ADD3: variants seen among roughly 807,000 people sequenced by gnomAD.
The protein encoded by ADD3 is adducin 3.
In ADD3, 25 loss-of-function variants were observed where a neutral mutation model predicts 80.2. That is an observed-to-expected ratio of 0.31 (90% CI 0.23 to 0.44). The LOEUF (loss-of-function observed/expected upper bound fraction) is 0.44, where lower values mean the gene tolerates loss of function less well. ADD3 is among the 20% of genes least tolerant of loss of function. The pLI is 1.00. For synonymous variants in ADD3, 284 were observed against 289.6 expected, an observed-to-expected ratio of 0.98 and a Z score of 0.20; for missense variants, 829 against 847.5, an observed-to-expected ratio of 0.98 and a Z score of 0.27.
chr10:110,126,295 TG>T, intron 11 of ADD3, 121 bp from the exon 12 acceptor site: 1 of 699,940 alleles, frequency 1.4e-6, no homozygotes, highest in Non-Finnish European at 2.4e-6. Flanking sequence ...TTTATGGAGG[TG>T]GGAATTGAAG....
At chr10:110,106,813 A>G (rs1054415740) in intron 2 of ADD3, among the ~76,000 whole-genome samples, 1 of 152,130 alleles carries the variant, frequency 6.6e-6, no homozygotes, top group Non-Finnish European at 1.5e-5. Context: ...ATTTTGTTTG[A>G]GTTGAAGAAT....
chr10:110,035,431 A>C (rs541572971), intron 1 of ADD3, among the ~76,000 whole-genome samples: 1 of 152,338 alleles, frequency 6.6e-6, no homozygotes, highest in South Asian at 2.1e-4. Flanking sequence ...GAGGAAGCCT[A>C]ATGATTAGAG....
At position 110,130,557 on chromosome 10, in the gene ADD3, T is replaced by C. The variant is rs1363597408; in HGVS notation, c.1732+71T>C. On this transcript the variant is annotated intron_variant, in intron 13 of 14. Transcript: ENST00000356080. Reference sequence around the variant, plus strand: ...CAATAAAGTACCTCACGTTGGATGATAGAAAGCAGTCAGTGTGGCCGGGCA... The same window carrying C: ...CAATAAAGTACCTCACGTTGGATGACAGAAAGCAGTCAGTGTGGCCGGGCA... 8.5e-6 allele frequency: 13 copies of C among 1,535,012 alleles called. No homozygotes were observed. The Admixed American group carries it at 9.1e-5, about 11-fold the overall frequency.
At chr10:110,125,679 A>G in intron 10 of ADD3, 147 bp from the exon 11 acceptor site, 2 of 462,706 alleles carry the variant, frequency 4.3e-6, no homozygotes, top group Non-Finnish European at 7.4e-6. Flanking sequence ...CTAGTATGAG[A>G]TGAAACTAAT....
intron 1 of ADD3, among the ~76,000 whole-genome samples, chr10:110,036,673 TC>T (rs1855704651): frequency 6.6e-6 from 1 of 152,122 alleles, no homozygotes; most frequent in South Asian, 2.1e-4. Context: ...CGCCCAGCCT[TC>T]TTTTTTTTTT....
At chr10:110,104,107 T>C (rs1849149608) in intron 2 of ADD3, among the ~76,000 whole-genome samples, 1 of 152,146 alleles carries the variant, frequency 6.6e-6, no homozygotes, top group Non-Finnish European at 1.5e-5. Flanking sequence ...GAAATAAAGA[T>C]TCATGTTATC....
Position 110,133,342 on chromosome 10 carries a change from T to G in ADD3, c.1845T>G (p.Phe615Leu), listed in dbSNP as rs1466004344. The G allele has an allele frequency of 6.3e-7, 1 of 1,584,646 alleles. No individual in the cohort carries two copies. Among genetic ancestry groups the G allele is most frequent in the Admixed American group, 1.7e-5 (1 of 58,430 alleles). ...CTTTCGTAGAAAACCATGAGCTGTTTTCCAAGAGCTTCATCTCCATGGAAG... is the reference window on the plus strand; with the variant it reads ...CTTTCGTAGAAAACCATGAGCTGTTGTCCAAGAGCTTCATCTCCATGGAAG... ...PEKLEENHEL[F>L]SKSFISMEVP... is the part of the protein sequence containing the mutation. The change falls in exon 15 of 15, where the codon TTT becomes TTG. Residue 615 changes from phenylalanine (F) to leucine (L), a missense_variant. Coordinates refer to ENST00000356080, the MANE Select transcript of ADD3 (RefSeq NM_016824.5).
rs539438884 is a variant in ADD3 at position 110,072,218 on chromosome 10, C to T, written c.-29-28407C>T. ...CTAGGACTACAGGTGCCTGCCACCA[C>T]GCCCAGCTAATTTTTTTGTATTTTT... On this transcript the variant is annotated intron_variant, in intron 1 of 14. Coordinates refer to ENST00000356080, the MANE Select transcript of ADD3 (RefSeq NM_016824.5). 1.5e-3 allele frequency among the ~76,000 whole-genome samples: 229 copies of T among 152,258 alleles called. 2 individuals are homozygous for T. The South Asian group carries it at 0.018, about 12-fold the overall frequency.
chr10:110,121,131 A>G (rs1851442321), intron 8 of ADD3, among the ~76,000 whole-genome samples: 2 of 152,110 alleles, frequency 1.3e-5, no homozygotes, highest in South Asian at 4.1e-4. Flanking sequence ...AATGGCAACA[A>G]AAGACAAAAT....
chr10:110,121,852 TA>T (rs1237031783), intron 8 of ADD3: 4 of 299,290 alleles, frequency 1.3e-5, no homozygotes, highest in African/African-American at 8.6e-5. Context: ...TTCCGTGGCT[TA>T]AAATATGTTA....
intron 1 of ADD3, among the ~76,000 whole-genome samples, chr10:110,048,808 G>T (rs569545494): frequency 6.6e-6 from 1 of 152,226 alleles, no homozygotes. Flanking sequence ...CTGATGATGT[G>T]ATAGAAAAGG....
At chr10:109,999,042 C>T (rs1053966808) in intron 1 of ADD3, among the ~76,000 whole-genome samples, 12 of 152,130 alleles carry the variant, frequency 7.9e-5, no homozygotes, top group Admixed American at 7.2e-4. Context: ...TGGCACATAG[C>T]AGGAGTTCAA....
At chr10:110,005,031 T>C (rs1014912295), upstream of ADD3, among the ~76,000 whole-genome samples, 1 of 152,204 alleles carries the variant, frequency 6.6e-6, no homozygotes, top group Non-Finnish European at 1.5e-5. Flanking sequence ...ATTTTAGATA[T>C]ATTTTGTTTT....
At chr10:110,013,750 C>G (rs1312976750) in intron 1 of ADD3, among the ~76,000 whole-genome samples, 1 of 152,144 alleles carries the variant, frequency 6.6e-6, no homozygotes, top group Non-Finnish European at 1.5e-5. Context: ...AGGAAGTGCT[C>G]ACCTTTTCAG....
upstream of ADD3, among the ~76,000 whole-genome samples, chr10:110,001,185 TG>T (rs1851477222): frequency 6.6e-6 from 1 of 152,020 alleles, no homozygotes; most frequent in African/African-American, 2.4e-5. Context: ...GAAGCCGAGG[TG>T]GGTGGGTCAC....
At chr10:110,064,865 C>T (rs1217849646) in intron 1 of ADD3, among the ~76,000 whole-genome samples, 3 of 152,068 alleles carry the variant, frequency 2.0e-5, no homozygotes, top group African/African-American at 7.2e-5. Flanking sequence ...GTTTCCCAGC[C>T]TGGGCAACAT....
In ADD3 at chr10:110,133,421, C is replaced by A; in HGVS notation, c.1924C>A (p.Leu642Ile). The A allele has an allele frequency of 6.2e-7, 1 of 1,613,638 alleles. No individual in the cohort carries two copies. Among genetic ancestry groups the A allele is most frequent in the Non-Finnish European group, 8.5e-7 (1 of 1,179,678 alleles). The change falls in exon 15 of 15, where the codon CTT (leucine) becomes ATT (isoleucine). Residue 642 changes from leucine to isoleucine, a missense_variant. Physicochemically the swap from Leu to Ile is conservative, Grantham distance 5. Coordinates refer to ENST00000356080, the MANE Select transcript of ADD3 (RefSeq NM_016824.5). ...KDDMHDVEDE[L>I]AKRVSRLSTS... Reference sequence around the variant, plus strand: ...TGATATGCATGATGTTGAAGATGAGCTTGCTAAGCGAGTGAGTAGGTTAAG... The same window carrying A: ...TGATATGCATGATGTTGAAGATGAGATTGCTAAGCGAGTGAGTAGGTTAAG...
At chr10:110,095,382 C>T in intron 1 of ADD3, among the ~76,000 whole-genome samples, 1 of 152,198 alleles carries the variant, frequency 6.6e-6, no homozygotes, top group East Asian at 1.9e-4. Flanking sequence ...CTCATTTTCC[C>T]ATAGTGCCTG....
chr10:110,054,813 A>G (rs1232739949), intron 1 of ADD3, among the ~76,000 whole-genome samples: 2 of 151,762 alleles, frequency 1.3e-5, no homozygotes, highest in African/African-American at 4.8e-5. Flanking sequence ...ACAGGGTTTC[A>G]CCGTGTTAGC....
Sources: allele counts gnomAD v4.1 joint callset (sites outside exome capture counted in the v4.1 genomes callset), GRCh38; gene constraint gnomAD v4.1.1; transcripts MANE v1.5; gene names NCBI Gene and HGNC (gene_info 2026-07-23, HGNC 2026-07-21).